The following KIAA1217 variants were observed in gnomAD, a reference collection of about 807,000 sequenced individuals.
KIAA1217 encodes the protein KIAA1217.
KIAA1217 carries 88 observed loss-of-function variants against 163.9 expected under a neutral mutation model. The ratio of observed to expected loss-of-function variants is 0.54; its 90% CI spans 0.45 to 0.64. The LOEUF (loss-of-function observed/expected upper bound fraction) is 0.64. Ranked by LOEUF, KIAA1217 falls within the 30% of genes least tolerant of loss-of-function variation. The pLI is 0.00. For missense variants in KIAA1217, 2,372 were observed against 2,475.0 expected, an observed-to-expected ratio of 0.96 and a Z score of 0.88; for synonymous variants, 903 against 923.1, an observed-to-expected ratio of 0.98 and a Z score of 0.39.
chr10:24,541,151 C>A (rs1434697351), intron 17 of KIAA1217, among the ~76,000 whole-genome samples: 3 of 151,726 alleles, frequency 2.0e-5, no homozygotes, highest in African/African-American at 7.3e-5. Flanking sequence ...TAGACTCAAG[C>A]AATCCTCCTG....
intron 2 of KIAA1217, among the ~76,000 whole-genome samples, chr10:24,227,931 C>A (rs1232707437): frequency 2.0e-5 from 3 of 152,128 alleles, no homozygotes; most frequent in African/African-American, 7.2e-5. Flanking sequence ...GCCCCTCAGG[C>A]TTCCTTAGGG....
At chr10:24,295,860 T>C (rs1390459566) in intron 2 of KIAA1217, among the ~76,000 whole-genome samples, 1 of 152,202 alleles carries the variant, frequency 6.6e-6, no homozygotes, top group Non-Finnish European at 1.5e-5. Flanking sequence ...ATTAATTCTT[T>C]GACCTGTTGT....
intron 2 of KIAA1217, among the ~76,000 whole-genome samples, chr10:24,334,743 T>C (rs1189644208): frequency 6.6e-6 from 1 of 152,336 alleles, no homozygotes; most frequent in Non-Finnish European, 1.5e-5. Flanking sequence ...ATAGTCATAA[T>C]ATCTGCAAAA....
chr10:24,137,715 G>A (rs2063888223), intron 2 of KIAA1217, among the ~76,000 whole-genome samples: 1 of 152,132 alleles, frequency 6.6e-6, no homozygotes, highest in South Asian at 2.1e-4. Flanking sequence ...CGTTTTATTT[G>A]GAAGGTTTTA....
At chr10:23,904,875 C>T (rs1842088449) in intron 1 of KIAA1217, among the ~76,000 whole-genome samples, 2 of 151,868 alleles carry the variant, frequency 1.3e-5, no homozygotes, top group Non-Finnish European at 2.9e-5. Context: ...TGAAAAAAGA[C>T]TCAGTTTAAA....
At chr10:23,783,298 G>A (rs1415713454) in intron 1 of KIAA1217, among the ~76,000 whole-genome samples, 2 of 152,180 alleles carry the variant, frequency 1.3e-5, no homozygotes, top group Admixed American at 6.5e-5. Context: ...TGGGACACAG[G>A]TTGGACAACC....
At position 24,137,706 on chromosome 10, in the gene KIAA1217, G is replaced by A. The variant is rs11013914; in HGVS notation, c.-170-81920G>A. On this transcript the variant is annotated intron_variant, in intron 2 of 18. Coordinates refer to the KIAA1217 transcript ENST00000376462. ...AACTTGAAAACAATAAAGACACTGC[G>A]TTTTATTTGGAAGGTTTTATTATCA... Among the ~76,000 whole-genome samples, 1,494 of 152,214 alleles carry A rather than the reference G, an allele frequency of 9.8e-3. 25 individuals carry two copies. The highest frequency in any genetic ancestry group is 0.034 in the African/African-American group (1,394 of 41,536).
chr10:24,354,830 G>A (rs1430961115), intron 2 of KIAA1217, among the ~76,000 whole-genome samples: 1 of 142,466 alleles, frequency 7.0e-6, no homozygotes, highest in East Asian at 2.3e-4. Context: ...AGGCATGGCA[G>A]ACCAAAAGGC....
At chr10:24,043,727 C>A (rs1486147557) in intron 2 of KIAA1217, among the ~76,000 whole-genome samples, 2 of 152,026 alleles carry the variant, frequency 1.3e-5, no homozygotes, top group Non-Finnish European at 2.9e-5. Context: ...ACTACCTCAA[C>A]CTAAAGAGCA....
At chr10:24,245,748 C>G (rs1239062179) in intron 2 of KIAA1217, among the ~76,000 whole-genome samples, 1 of 152,018 alleles carries the variant, frequency 6.6e-6, no homozygotes, top group African/African-American at 2.4e-5. Flanking sequence ...CCTCCTGCCT[C>G]TGTCTCCCAA....
At chr10:24,027,653 T>G (rs1848018210) in intron 2 of KIAA1217, among the ~76,000 whole-genome samples, 1 of 151,974 alleles carries the variant, frequency 6.6e-6, no homozygotes, top group Non-Finnish European at 1.5e-5. Context: ...GGAAGAAAAA[T>G]ACCATGTTAA....
rs148036263 is a variant in KIAA1217, at chr10:24,543,133, G to T, written c.3863G>T (p.Gly1288Val). ...DEINKGSKIS[G>V]LQYSIPDTEN... ...ATAAACAAAGGGTCTAAAATCTCAG[G>T]CCTGCAATACTCTATACCTGACACC... The change falls in exon 19 of 21, where the codon GGC becomes GTC. Residue 1288 changes from glycine (G) to valine (V), a missense_variant. Coordinates refer to ENST00000376454, the MANE Select transcript of KIAA1217 (RefSeq NM_019590.5). 7.6e-5 allele frequency: 123 copies of T among 1,613,090 alleles called. No homozygotes were observed. In the African/African-American group the frequency reaches 1.4e-3, roughly 19 times the overall value.
At chr10:23,826,912 A>G (rs7898541) in intron 1 of KIAA1217, among the ~76,000 whole-genome samples, 37,580 of 151,836 alleles carry the variant, frequency 0.25, 4,828 homozygotes, top group Middle Eastern at 0.33. Context: ...TGATATCTTC[A>G]CTCATTCATT....
At chr10:24,239,495 C>CTTTTT (rs34650424) in intron 2 of KIAA1217, among the ~76,000 whole-genome samples, 2 of 134,744 alleles carry the variant, frequency 1.5e-5, no homozygotes, top group African/African-American at 5.4e-5. Flanking sequence ...TTTTTAAGGG[C>CTTTTT]TTTTTTTTTT....
At chr10:24,158,132 G>A (rs2064962165) in intron 2 of KIAA1217, 2 of 753,624 alleles carry the variant, frequency 2.7e-6, no homozygotes, top group East Asian at 2.5e-5. Flanking sequence ...TTCTAGCCTG[G>A]GATTTGGATC....
At chr10:24,292,373 C>T (rs1018863089) in intron 2 of KIAA1217, among the ~76,000 whole-genome samples, 1 of 152,206 alleles carries the variant, frequency 6.6e-6, no homozygotes, top group Non-Finnish European at 1.5e-5. Context: ...ACCCATTCCT[C>T]TTCCCTGGAA....
intron 1 of KIAA1217, among the ~76,000 whole-genome samples, chr10:23,813,067 G>A (rs192119257): frequency 6.6e-6 from 1 of 152,200 alleles, no homozygotes; most frequent in Non-Finnish European, 1.5e-5. Flanking sequence ...CAGCATAGAA[G>A]GTTTCAAAGT....
intron 5 of KIAA1217, among the ~76,000 whole-genome samples, chr10:24,451,117 T>C (rs2061342631): frequency 6.6e-6 from 1 of 152,178 alleles, no homozygotes; most frequent in South Asian, 2.1e-4. Context: ...AGAAAAGCAC[T>C]TTGGATAAAC....
intron 5 of KIAA1217, among the ~76,000 whole-genome samples, chr10:24,471,616 C>T (rs962041082): frequency 1.3e-5 from 2 of 152,062 alleles, no homozygotes; most frequent in African/African-American, 4.8e-5. Flanking sequence ...GGTGCAGTGG[C>T]TCATGCCTAT....
Sources: gnomAD v4.1 joint callset for allele counts (sites outside exome capture counted in the v4.1 genomes callset) on GRCh38, gnomAD v4.1.1 for gene constraint, MANE v1.5 for transcripts, NCBI Gene and HGNC (gene_info 2026-07-23, HGNC 2026-07-21) for gene names.